The following COL5A2 variants were observed in gnomAD, a reference collection of about 807,000 sequenced individuals.
COL5A2 encodes the protein collagen alpha-2(V) chain.
COL5A2 carries 23 observed loss-of-function variants against 208.2 expected under a neutral mutation model. The ratio of observed to expected loss-of-function variants is 0.11; its 90% CI spans 0.08 to 0.16. The LOEUF is 0.16. Ranked by LOEUF, COL5A2 falls within the 10% of genes least tolerant of loss-of-function variation. The probability of loss-of-function intolerance (pLI) is 1.00; values close to 1 mark genes in which losing one functional copy is unlikely to be tolerated. For synonymous variants in COL5A2, 625 were observed against 628.5 expected (o/e 0.99, Z 0.08); for missense variants, 1,590 against 1,956.4 (o/e 0.81, Z 3.53).
intron 1 of COL5A2, among the ~76,000 whole-genome samples, chr2:189,194,066 G>A (rs754722259): frequency 2.8e-4 from 43 of 152,228 alleles, no homozygotes; most frequent in Non-Finnish European, 5.0e-4. Flanking sequence ...GTTAATAAAT[G>A]TTTAGAAGTC....
chr2:189,127,255 G>A (rs890402824), intron 1 of COL5A2, among the ~76,000 whole-genome samples: 5 of 152,054 alleles, frequency 3.3e-5, no homozygotes, highest in African/African-American at 1.2e-4. Context: ...AAAAATGGCA[G>A]CATCAGGTGT....
the COL5A2 span, among the ~76,000 whole-genome samples, chr2:189,250,731 C>T: frequency 0.58 from 88,129 of 151,904 alleles, 26,838 homozygotes; most frequent in East Asian, 0.72. Flanking sequence ...CCTGACCCTA[C>T]TACACAGTAC....
the COL5A2 span, among the ~76,000 whole-genome samples, chr2:189,320,476 C>T: frequency 6.6e-6 from 1 of 152,154 alleles, no homozygotes; most frequent in Non-Finnish European, 1.5e-5. Context: ...CTTAAAGGAC[C>T]TGATGGGGCT....
At chr2:189,085,642 T>C (rs2105650111) in intron 10 of COL5A2, 77 bp downstream of exon 10, 1 of 1,264,058 alleles carries the variant, frequency 7.9e-7, no homozygotes, top group Non-Finnish European at 1.2e-6. Flanking sequence ...CCTGGGAAGA[T>C]AAATAACTCA....
At chr2:189,288,486 C>A in the COL5A2 span, among the ~76,000 whole-genome samples, 1 of 151,904 alleles carries the variant, frequency 6.6e-6, no homozygotes, top group Non-Finnish European at 1.5e-5. Flanking sequence ...GAAATAAATT[C>A]CTAGACACAT....
Position 189,053,079 on chromosome 2 carries a change from GTAAT to G in COL5A2, c.2554-65_2554-62del, listed in dbSNP as rs1305512776. Reference sequence around the variant, plus strand: ...AGACTTATAGACAAATTACTTTAGAGTAATTATTACTAATGTATCAATTAATCAT... The same window carrying G: ...AGACTTATAGACAAATTACTTTAGAGTATTACTAATGTATCAATTAATCAT... On this transcript the variant is annotated intron_variant, in intron 38 of 53. Transcript: ENST00000374866. The G allele has an allele frequency of 2.4e-5, 30 of 1,270,740 alleles. No homozygotes were observed. In the African/African-American group the frequency reaches 4.2e-4, roughly 18 times the overall value. 78.7% of individuals were successfully genotyped at this position (1,270,740 alleles called of 1,614,324 possible).
At chr2:189,196,000 A>G (rs1487757798) in intron 1 of COL5A2, among the ~76,000 whole-genome samples, 3 of 152,206 alleles carry the variant, frequency 2.0e-5, no homozygotes, top group Admixed American at 2.0e-4. Flanking sequence ...AAAAGAAACT[A>G]TCATCAGAGT....
rs910868415 is a variant in COL5A2, at chr2:189,063,904, C to T, written c.1770+76G>A. On this transcript the variant is annotated intron_variant, in intron 26 of 53. Coordinates refer to ENST00000374866, the MANE Select transcript of COL5A2 (RefSeq NM_000393.5). The stretch of plus-strand genomic sequence containing the variant: ...GCATCCATATAATCAAAAACATTAA[C>T]CTAAATAAATATCATTTAAGTTGCA... The T allele has an allele frequency of 5.9e-6, 7 of 1,180,474 alleles. No homozygotes were observed. In the African/African-American group the frequency reaches 6.1e-5, roughly 10 times the overall value. 73.1% of individuals were successfully genotyped at this position (1,180,474 alleles called of 1,614,324 possible).
intron 1 of COL5A2, among the ~76,000 whole-genome samples, chr2:189,112,076 T>TG (rs941813840): frequency 6.6e-6 from 1 of 152,108 alleles, no homozygotes; most frequent in African/African-American, 2.4e-5. Flanking sequence ...TTTGCCAGGC[T>TG]GGTCTCCTGA....
At chr2:189,228,656 T>A (rs1045290515), upstream of COL5A2, among the ~76,000 whole-genome samples, 1 of 151,394 alleles carries the variant, frequency 6.6e-6, no homozygotes, top group Non-Finnish European at 1.5e-5. Context: ...AGTAAAGAGA[T>A]TGAATCAGTA....
intron 1 of COL5A2, among the ~76,000 whole-genome samples, chr2:189,218,442 G>T (rs1035031861): frequency 2.0e-5 from 3 of 152,166 alleles, no homozygotes; most frequent in African/African-American, 7.2e-5. Flanking sequence ...GCCAACAGGA[G>T]CTGGGAAGAG....
At chr2:189,316,845 G>A in the COL5A2 span, among the ~76,000 whole-genome samples, 15 of 150,396 alleles carry the variant, frequency 1.0e-4, no homozygotes, top group African/African-American at 3.7e-4. Flanking sequence ...GGTGATTATG[G>A]TCAATAATAA....
At chr2:189,084,640 T>C (rs1242166482) in intron 11 of COL5A2, among the ~76,000 whole-genome samples, 1 of 152,200 alleles carries the variant, frequency 6.6e-6, no homozygotes, top group Non-Finnish European at 1.5e-5. Flanking sequence ...AAGTCTGCTA[T>C]TGCACACTGT....
At chr2:189,167,721 G>A (rs902928693) in intron 1 of COL5A2, among the ~76,000 whole-genome samples, 4 of 148,716 alleles carry the variant, frequency 2.7e-5, no homozygotes, top group Admixed American at 6.8e-5. Context: ...GTGCAGTGAA[G>A]CAATGCCTCT....
At chr2:189,113,586 A>G (rs937221762) in intron 1 of COL5A2, among the ~76,000 whole-genome samples, 1 of 149,226 alleles carries the variant, frequency 6.7e-6, no homozygotes, top group Non-Finnish European at 1.5e-5. Context: ...TATTTGTTAT[A>G]TAATAGATGA....
the COL5A2 span, among the ~76,000 whole-genome samples, chr2:189,356,374 T>C: frequency 6.6e-6 from 1 of 152,112 alleles, no homozygotes; most frequent in South Asian, 2.1e-4. Context: ...GTTACACCAA[T>C]CAAACGTAGA....
the COL5A2 span, among the ~76,000 whole-genome samples, chr2:189,318,400 T>C: frequency 6.6e-6 from 1 of 152,250 alleles, no homozygotes; most frequent in Non-Finnish European, 1.5e-5. Context: ...GCCTTTGATT[T>C]CTATGCCAGC....
At chr2:189,242,851 C>G in the COL5A2 span, among the ~76,000 whole-genome samples, 1 of 152,158 alleles carries the variant, frequency 6.6e-6, no homozygotes, top group Admixed American at 6.5e-5. Flanking sequence ...CTACAGATCT[C>G]TCAGTGCTCA....
the COL5A2 span, among the ~76,000 whole-genome samples, chr2:189,322,293 C>G: frequency 1.3e-4 from 20 of 152,080 alleles, 1 homozygote; most frequent in Admixed American, 2.6e-4. Context: ...CAAACACATT[C>G]AAAAGCTAAC....
Sources: allele counts gnomAD v4.1 joint callset (sites outside exome capture counted in the v4.1 genomes callset), GRCh38; gene constraint gnomAD v4.1.1; transcripts MANE v1.5; gene names NCBI Gene and HGNC (gene_info 2026-07-23, HGNC 2026-07-21).